The following PDE7B variants were observed in gnomAD, a reference collection of about 807,000 sequenced individuals.
PDE7B encodes 3',5'-cyclic-AMP phosphodiesterase 7B.
PDE7B carries 29 observed loss-of-function variants against 56.2 expected under a neutral mutation model. The observed-to-expected ratio is 0.52, with a 90% confidence interval of 0.38 to 0.70. The LOEUF is 0.70. Ranked by LOEUF, PDE7B falls within the 30% of genes least tolerant of loss-of-function variation. PDE7B has a pLI of 0.00. For synonymous variants in PDE7B, 197 were observed against 196.9 expected, an observed-to-expected ratio of 1.00 and a Z score of 0.00; for missense variants, 490 against 565.0, an observed-to-expected ratio of 0.87 and a Z score of 1.35.
chr6:136,131,496 T>C (rs1778116104), intron 3 of PDE7B, among the ~76,000 whole-genome samples: 1 of 136,056 alleles, frequency 7.3e-6, no homozygotes, highest in Non-Finnish European at 1.6e-5. Flanking sequence ...CCTGGCAGGT[T>C]TTTTTTTTTT....
chr6:135,952,358 T>A (rs991746612), intron 2 of PDE7B, among the ~76,000 whole-genome samples: 26 of 152,176 alleles, frequency 1.7e-4, no homozygotes, highest in Non-Finnish European at 2.5e-4. Context: ...TTAAATACAT[T>A]CTTCAAAATT....
At chr6:136,084,464 G>T (rs1777255531) in intron 2 of PDE7B, among the ~76,000 whole-genome samples, 1 of 152,106 alleles carries the variant, frequency 6.6e-6, no homozygotes, top group Admixed American at 6.5e-5. Context: ...GAGTAGGGAA[G>T]GGAAATTTTA....
chr6:136,153,943 T>C (rs41288035), intron 6 of PDE7B, 132 bp from the exon 7 acceptor site: 58 of 601,440 alleles, frequency 9.6e-5, no homozygotes, highest in Admixed American at 1.4e-4. Context: ...CACGTTTATT[T>C]TTAAAGCATC....
In PDE7B at chr6:135,917,688, G is replaced by A. The variant is rs74707268; in HGVS notation, c.22-29776G>A. The stretch of plus-strand genomic sequence containing the variant: ...AAAATTTTTTGATATGCTGGATACC[G>A]TGAATCCTAACTGGAGAATCTGGAT... On this transcript the variant is annotated intron_variant, in intron 1 of 12. Coordinates refer to ENST00000308191, the MANE Select transcript of PDE7B (RefSeq NM_018945.4). 3.1e-3 allele frequency among the ~76,000 whole-genome samples: 465 copies of A among 152,014 alleles called. 5 individuals carry two copies. Among genetic ancestry groups the A allele is most frequent in the African/African-American group, 9.4e-3 (391 of 41,422 alleles).
At chr6:136,068,055 G>C (rs1366039092) in intron 2 of PDE7B, among the ~76,000 whole-genome samples, 1 of 152,212 alleles carries the variant, frequency 6.6e-6, no homozygotes, top group Non-Finnish European at 1.5e-5. Context: ...GTTAGCTGCT[G>C]TCGACGAAAA....
At chr6:136,148,459 G>GGGAAGGAA (rs1216400155) in intron 4 of PDE7B, among the ~76,000 whole-genome samples, 1 of 130,914 alleles carries the variant, frequency 7.6e-6, no homozygotes, top group African/African-American at 3.8e-5. Flanking sequence ...GAGGGAGGGA[G>GGGAAGGAA]GGAAGGAAGG....
intron 1 of PDE7B, among the ~76,000 whole-genome samples, chr6:135,924,617 CTTTTTTTTTTT>C (rs3037775): frequency 8.1e-5 from 4 of 49,582 alleles, no homozygotes; most frequent in African/African-American, 3.0e-4. Context: ...CTCTCTCTCT[CTTTTTTTTTTT>C]TTTTTTTTTT....
At chr6:135,962,322 G>T (rs1260562851) in intron 2 of PDE7B, among the ~76,000 whole-genome samples, 1 of 151,946 alleles carries the variant, frequency 6.6e-6, no homozygotes, top group Non-Finnish European at 1.5e-5. Flanking sequence ...GTTTTCAATT[G>T]GCCTTTTTTA....
intron 2 of PDE7B, chr6:136,095,932 T>C (rs1018551157): frequency 1.3e-5 from 2 of 152,238 alleles, no homozygotes; most frequent in Non-Finnish European, 2.9e-5. Context: ...TATATGTTAC[T>C]GTGTTTAATA....
chr6:135,987,046 A>T (rs1172018543), intron 2 of PDE7B, among the ~76,000 whole-genome samples: 1 of 152,334 alleles, frequency 6.6e-6, no homozygotes, highest in East Asian at 1.9e-4. Flanking sequence ...GAGGGTGTGT[A>T]TAGACCTCAT....
intron 2 of PDE7B, among the ~76,000 whole-genome samples, chr6:136,010,556 C>A (rs1279540003): frequency 6.6e-6 from 1 of 152,046 alleles, no homozygotes; most frequent in African/African-American, 2.4e-5. Flanking sequence ...CAAGCACATG[C>A]AACAACACCT....
intron 1 of PDE7B, among the ~76,000 whole-genome samples, chr6:135,921,343 G>A (rs1774076180): frequency 1.3e-5 from 2 of 152,064 alleles, no homozygotes; most frequent in African/African-American, 4.8e-5. Flanking sequence ...CCCTTCCAGT[G>A]GCAACAATAA....
At chr6:136,025,277 T>G (rs1267232988) in intron 2 of PDE7B, among the ~76,000 whole-genome samples, 1 of 152,144 alleles carries the variant, frequency 6.6e-6, no homozygotes, top group Non-Finnish European at 1.5e-5. Flanking sequence ...TATAATATCT[T>G]AAAAATGCAA....
intron 3 of PDE7B, chr6:136,114,932 T>G (rs950069632): frequency 1.3e-5 from 2 of 152,214 alleles, no homozygotes; most frequent in Non-Finnish European, 2.9e-5. Context: ...CTCCCAGCAC[T>G]TCAGCTGCGG....
At chr6:136,072,482 G>C (rs1269608236) in intron 2 of PDE7B, 1 of 152,156 alleles carries the variant, frequency 6.6e-6, no homozygotes, top group Non-Finnish European at 1.5e-5. Flanking sequence ...AAGCCACCTT[G>C]CCCAGCCCTG....
intron 2 of PDE7B, among the ~76,000 whole-genome samples, chr6:136,008,338 G>A (rs969283708): frequency 1.3e-5 from 2 of 152,026 alleles, no homozygotes; most frequent in African/African-American, 4.8e-5. Context: ...TAATCCTTTG[G>A]GTATATACCC....
intron 8 of PDE7B, among the ~76,000 whole-genome samples, chr6:136,171,469 G>A (rs905193251): frequency 3.3e-5 from 5 of 152,144 alleles, no homozygotes; most frequent in Non-Finnish European, 7.4e-5. Context: ...CTACCCTGGT[G>A]GTTTGGGCTT....
chr6:136,144,641 T>C (rs1055754781), intron 3 of PDE7B, among the ~76,000 whole-genome samples: 10 of 152,168 alleles, frequency 6.6e-5, no homozygotes, highest in Admixed American at 6.6e-4. Context: ...TTAAGGGTCA[T>C]GCATTGCATT....
intron 3 of PDE7B, among the ~76,000 whole-genome samples, chr6:136,126,304 T>C (rs909038685): frequency 6.6e-6 from 1 of 152,182 alleles, no homozygotes; most frequent in African/African-American, 2.4e-5. Flanking sequence ...CAACATTCTT[T>C]CCTTAGTTTG....
Sources: allele counts gnomAD v4.1 joint callset (sites outside exome capture counted in the v4.1 genomes callset), GRCh38; gene constraint gnomAD v4.1.1; transcripts MANE v1.5; gene names NCBI Gene and HGNC (gene_info 2026-07-23, HGNC 2026-07-21).